FBXL18: variants seen among roughly 807,000 people sequenced by gnomAD.
FBXL18 encodes F-box/LRR-repeat protein 18.
A neutral mutation model predicts 46.0 loss-of-function variants in FBXL18; 36 were observed. That is an observed-to-expected ratio of 0.78 (90% CI 0.60 to 1.03). FBXL18 has a LOEUF of 1.03. Ranked by LOEUF, FBXL18 falls within the 50% of genes least tolerant of loss-of-function variation. The pLI is 0.00. For missense variants in FBXL18, 977 were observed against 1,004.1 expected (o/e 0.97, Z 0.36); for synonymous variants, 557 against 465.3 (o/e 1.20, Z -2.54).
chr7:5,502,220 G>A (rs992559234), intron 2 of FBXL18, among the ~76,000 whole-genome samples, 189 bp from the exon 3 acceptor site: 1 of 152,234 alleles, frequency 6.6e-6, no homozygotes, highest in Non-Finnish European at 1.5e-5. Context: ...GGGACTGGTA[G>A]AGGGGTGCAG....
At chr7:5,466,023 G>A (rs574401038) in intron 4 of FBXL18, among the ~76,000 whole-genome samples, 246 of 152,026 alleles carry the variant, frequency 1.6e-3, no homozygotes, top group African/African-American at 5.5e-3. Flanking sequence ...TCACCATGTT[G>A]GGCAGGCTGG....
At chr7:5,511,939 T>C (rs1255678732) in intron 1 of FBXL18, among the ~76,000 whole-genome samples, 1 of 150,060 alleles carries the variant, frequency 6.7e-6, no homozygotes, top group African/African-American at 2.5e-5. Flanking sequence ...AAAAGAGAAA[T>C]AAAAATAAAG....
At chr7:5,500,043 T>A (rs1784190919) in intron 3 of FBXL18, among the ~76,000 whole-genome samples, 1 of 150,324 alleles carries the variant, frequency 6.7e-6, no homozygotes, top group South Asian at 2.1e-4. Context: ...CCAGCTTGGA[T>A]GACAGAGCGA....
At chr7:5,466,535 C>G (rs1468209138) in intron 4 of FBXL18, among the ~76,000 whole-genome samples, 1 of 152,220 alleles carries the variant, frequency 6.6e-6, no homozygotes, top group Non-Finnish European at 1.5e-5. Flanking sequence ...TCGGCTCTTC[C>G]TCTCCTGCCT....
At chr7:5,483,256 C>A (rs970949451) in intron 4 of FBXL18, among the ~76,000 whole-genome samples, 1 of 151,768 alleles carries the variant, frequency 6.6e-6, no homozygotes, top group Non-Finnish European at 1.5e-5. Flanking sequence ...GCCTGGCCAA[C>A]ATGGTGAAAC....
At position 5,481,415 on chromosome 7, in the gene FBXL18, C is replaced by T; in HGVS notation, c.*360G>A. ...ACAGCCAAGGGACACGCTTCCCGGTCGGAAGTGGCAGGGGGTTCGGGCCCT... is the reference window on the plus strand; with the variant it reads ...ACAGCCAAGGGACACGCTTCCCGGTTGGAAGTGGCAGGGGGTTCGGGCCCT... On this transcript the variant is annotated 3_prime_UTR_variant, in exon 5 of 5. Coordinates refer to ENST00000382368, the MANE Select transcript of FBXL18 (RefSeq NM_024963.6). The T allele has an allele frequency of 5.3e-6, 1 of 188,530 alleles. No individual in the cohort carries two copies. The highest frequency in any genetic ancestry group is 1.1e-5 in the Non-Finnish European group (1 of 88,860). 11.7% of individuals were successfully genotyped at this position (188,530 alleles called of 1,614,324 possible). A position where few individuals can be genotyped will look rare whatever the true frequency, so the allele number is the denominator to read the frequency against.
rs182272269 is a variant in FBXL18, at chr7:5,489,782, A to T, written c.2000+1449T>A. On this transcript the variant is annotated intron_variant, in intron 4 of 4. Coordinates refer to ENST00000382368, the MANE Select transcript of FBXL18 (RefSeq NM_024963.6). ...CGACAGAGCGAGACTCTGTCTCAAA[A>T]AAGAAAAAAAGAAAAATACAAAAAT... is the stretch of plus-strand genomic sequence containing the variant. 5 of 278,818 alleles carry T rather than the reference A, an allele frequency of 1.8e-5. No homozygotes were observed. In the Admixed American group the frequency reaches 1.9e-4, roughly 11 times the overall value. The allele number at this position is 278,818 out of a possible 1,614,324, so 17.3% of individuals were successfully genotyped here.
In FBXL18 at chr7:5,507,995, G is replaced by A. The variant is rs1025504280; in HGVS notation, c.19-2365C>T. Among the ~76,000 whole-genome samples the A allele has an allele frequency of 6.6e-5, 10 of 151,614 alleles. No homozygotes were observed. In the South Asian group the frequency reaches 8.4e-4, roughly 13 times the overall value. On this transcript the variant is annotated intron_variant, in intron 1 of 4. Coordinates refer to ENST00000382368, the MANE Select transcript of FBXL18 (RefSeq NM_024963.6). The stretch of plus-strand genomic sequence containing the variant: ...TAAAAATACAAAAATTAGGCCAGAC[G>A]TGGTGGCTCACGCCTGTAATCCCAG...
Position 5,501,000 on chromosome 7 carries a change from G to C in FBXL18, c.1269C>G (p.Cys423Trp). 6.3e-7 allele frequency: 1 copy of C among 1,587,368 alleles called. No homozygotes were observed. Among genetic ancestry groups the C allele is most frequent in the Non-Finnish European group, 8.5e-7 (1 of 1,169,834 alleles). ...CGCGCGGCGCGGAGTCAGCGACAGA[G>C]CAGACAGGCAGGGAGAGGGAGCGCA... ...RHLRSLSLPV[C>W]SVADSAPRAD... The change falls in exon 3 of 5, where the codon TGC becomes TGG. Residue 423 changes from cysteine (C) to tryptophan (W), a missense_variant. Physicochemically the swap from Cys to Trp is radical, Grantham distance 215 (BLOSUM62 -2). Coordinates refer to ENST00000382368, the MANE Select transcript of FBXL18 (RefSeq NM_024963.6).
rs571301335 is a variant in FBXL18 at position 5,484,639 on chromosome 7, ATT to A, written c.2001-2710_2001-2709del. On this transcript the variant is annotated intron_variant, in intron 4 of 4. Coordinates refer to ENST00000382368, the MANE Select transcript of FBXL18 (RefSeq NM_024963.6). Reference sequence around the variant, plus strand: ...CACACATCACCACACTGACCAGCTAATTTTTTTTTTTTTTTTTGAGACGCAGT... The same window carrying A: ...CACACATCACCACACTGACCAGCTAATTTTTTTTTTTTTTTGAGACGCAGT... 2.5e-3 allele frequency among the ~76,000 whole-genome samples: 341 copies of A among 137,606 alleles called. No homozygotes were observed. The Middle Eastern group carries it at 0.033, about 13-fold the overall frequency. 90.3% of individuals were successfully genotyped at this position (137,606 alleles called of 152,430 possible). A position where few individuals can be genotyped will look rare whatever the true frequency, so the allele number is the denominator to read the frequency against.
rs903287143 is a variant in FBXL18, at chr7:5,481,962, C to G, written c.2001-31G>C. 1.9e-6 allele frequency: 3 copies of G among 1,572,942 alleles called. No homozygotes were observed. In the Admixed American group the frequency reaches 5.4e-5, roughly 28 times the overall value. ...CCAGAGACAGGCGGTCAGCGGATTACATGGGTGGCCACGGAGGGGGCGGAG... is the reference window on the plus strand; with the variant it reads ...CCAGAGACAGGCGGTCAGCGGATTAGATGGGTGGCCACGGAGGGGGCGGAG... On this transcript the variant is annotated intron_variant, in intron 4 of 4. Coordinates refer to ENST00000382368, the MANE Select transcript of FBXL18 (RefSeq NM_024963.6).
chr7:5,496,662 A>G lies in FBXL18; in HGVS notation c.1781+3826T>C, dbSNP rs1228352264. Among the ~76,000 whole-genome samples, 1 of 152,098 alleles carries G rather than the reference A, an allele frequency of 6.6e-6. No homozygotes were observed. On this transcript the variant is annotated intron_variant, in intron 3 of 4. Transcript: ENST00000382368. This position sits in a 1 kb window ranked among gnomAD's most constrained non-coding sequence, Gnocchi z 4.8. ...TTTGGGCGGCCCAGGCAAGAGGATC[A>G]CTTGAGCCCAGGAGTTCAAGACCAG...
In FBXL18 at chr7:5,505,469, T is replaced by C. The variant is rs1784370723; in HGVS notation, c.180A>G (p.Ala60=). Residue 60 remains alanine, a synonymous_variant, in exon 2 of 5, where the codon GCA becomes GCG. Coordinates refer to ENST00000382368, the MANE Select transcript of FBXL18 (RefSeq NM_024963.6). ...TGAGGCTCTTGTCAAGGCACAGGGC[T>C]GCAAGCTTCCGACAGGTACGCCGGA... The part of the protein sequence containing the change: ...LNVRRTCRKL[A]ALCLDKSLIH... 1 of 1,614,172 alleles carries C rather than the reference T, an allele frequency of 6.2e-7. No individual in the cohort carries two copies. Among genetic ancestry groups the C allele is most frequent in the Non-Finnish European group, 8.5e-7 (1 of 1,180,026 alleles).
At chr7:5,464,870 C>A (rs1783319907) in intron 4 of FBXL18, among the ~76,000 whole-genome samples, 1 of 151,694 alleles carries the variant, frequency 6.6e-6, no homozygotes, top group African/African-American at 2.4e-5. Context: ...TTGAGACCAG[C>A]CTGGACAACA....
Position 5,459,849 on chromosome 7 carries a change from G to T in FBXL18, c.2001-12006C>A, listed in dbSNP as rs1429306136. Among the ~76,000 whole-genome samples, 7 of 152,248 alleles carry T rather than the reference G, an allele frequency of 4.6e-5. No individual in the cohort carries two copies. The South Asian group carries it at 1.5e-3, about 32-fold the overall frequency. Reference sequence around the variant, plus strand: ...AATCACTTGGGCCCAGGAGGCAGAGGCTGCCGTGAGCTGAGATCACGCTGT... The same window carrying T: ...AATCACTTGGGCCCAGGAGGCAGAGTCTGCCGTGAGCTGAGATCACGCTGT... On this transcript the variant is annotated intron_variant and NMD_transcript_variant, in intron 4 of 6. Transcript: ENST00000415009.
At chr7:5,492,008 C>T (rs903329654) in intron 3 of FBXL18, among the ~76,000 whole-genome samples, 6 of 151,352 alleles carry the variant, frequency 4.0e-5, no homozygotes, top group African/African-American at 1.5e-4. Flanking sequence ...CCACTTCAGC[C>T]ACGACAGATG....
chr7:5,468,134 C>T (rs889535294), intron 4 of FBXL18, among the ~76,000 whole-genome samples: 6 of 152,162 alleles, frequency 3.9e-5, no homozygotes, highest in South Asian at 2.1e-4. Flanking sequence ...AGGCGCCCGC[C>T]ACCACACCCA....
chr7:5,501,529 A>C lies in FBXL18; in HGVS notation c.740T>G (p.Val247Gly). ...GCTAAGCACAGCCAGGTAGAGCCGC[A>C]CCACCTCCTGGTTGATGTAGCCGGG... ...LAPGYINQEV[V>G]RLYLAVLSDR... is the part of the protein sequence containing the mutation. The change falls in exon 3 of 5, where the codon GTG becomes GGG. Residue 247 changes from valine (V) to glycine (G), a missense_variant. Transcript: ENST00000382368. 1 of 1,613,862 alleles carries C rather than the reference A, an allele frequency of 6.2e-7. No individual in the cohort carries two copies. The highest frequency in any genetic ancestry group is 8.5e-7 in the Non-Finnish European group (1 of 1,180,010).
intron 4 of FBXL18, among the ~76,000 whole-genome samples, chr7:5,485,946 C>A (rs1783763288): frequency 6.6e-6 from 1 of 152,052 alleles, no homozygotes; most frequent in Non-Finnish European, 1.5e-5. Context: ...GTAATCCCAG[C>A]TACTCAGGAG....
Sources: gnomAD v4.1 joint callset for allele counts (sites outside exome capture counted in the v4.1 genomes callset) on GRCh38, gnomAD v4.1.1 for gene constraint, Gnocchi (gnomAD v3.1) non-coding constraint, MANE v1.5 for transcripts, NCBI Gene and HGNC (gene_info 2026-07-23, HGNC 2026-07-21) for gene names.